ADAMTS18: variants seen among roughly 807,000 people sequenced by gnomAD.
The protein encoded by ADAMTS18 is ADAM metallopeptidase with thrombospondin type 1 motif 18, also known as A disintegrin and metalloproteinase with thrombospondin motifs 18.
ADAMTS18 carries 157 observed loss-of-function variants against 165.9 expected under a neutral mutation model. The ratio of observed to expected loss-of-function variants is 0.95; its 90% CI spans 0.83 to 1.08. The LOEUF is 1.08. Ranked by LOEUF, ADAMTS18 falls within the 50% of genes least tolerant of loss-of-function variation. ADAMTS18 has a pLI of 0.00. For missense variants in ADAMTS18, 2,040 were observed against 1,534.0 expected (o/e 1.33, Z -5.51); for synonymous variants, 782 against 578.2 (o/e 1.35, Z -5.06).
At chr16:77,297,496 C>T in intron 17 of ADAMTS18, 81 bp from the exon 18 acceptor site, 7 of 1,399,482 alleles carry the variant, frequency 5.0e-6, no homozygotes, top group Non-Finnish European at 7.1e-6. Flanking sequence ...TCTGATTTAC[C>T]AGCATTGTGA....
chr16:77,333,511 C>T (rs769758178), intron 12 of ADAMTS18, among the ~76,000 whole-genome samples: 116 of 140,006 alleles, frequency 8.3e-4, no homozygotes, highest in Non-Finnish European at 1.4e-3. Context: ...AAAAATAAAA[C>T]AGTGTGTTCT....
At chr16:77,395,831 A>G (rs1170584387) in intron 3 of ADAMTS18, among the ~76,000 whole-genome samples, 17 of 152,162 alleles carry the variant, frequency 1.1e-4, no homozygotes. Context: ...GCCTTTTGGT[A>G]TTTTTAGGTC....
At chr16:77,428,783 T>C (rs1004968311) in intron 3 of ADAMTS18, among the ~76,000 whole-genome samples, 11 of 152,288 alleles carry the variant, frequency 7.2e-5, no homozygotes, top group African/African-American at 2.6e-4. Flanking sequence ...AACCAGAATA[T>C]ATTCTGCAAA....
At chr16:77,339,670 T>G (rs6564432) in intron 11 of ADAMTS18, among the ~76,000 whole-genome samples, 62,690 of 151,406 alleles carry the variant, frequency 0.41, 13,560 homozygotes, top group East Asian at 0.61. Flanking sequence ...TAAAAAGGAC[T>G]TGAGCACTAT....
rs1016148271 is a variant in ADAMTS18 at position 77,421,906 on chromosome 16, T to C, written c.495+9389A>G. Among the ~76,000 whole-genome samples the C allele has an allele frequency of 6.6e-5, 10 of 152,164 alleles. No individual in the cohort carries two copies. In the East Asian group the frequency reaches 1.3e-3, roughly 20 times the overall value. On this transcript the variant is annotated intron_variant, in intron 3 of 22. Transcript: ENST00000282849. Reference sequence around the variant, plus strand: ...ATATGCAGTAATTAAAAGAATAAGATAGATCTATACAAAAAATAGATCTAT... The same window carrying C: ...ATATGCAGTAATTAAAAGAATAAGACAGATCTATACAAAAAATAGATCTAT...
intron 3 of ADAMTS18, among the ~76,000 whole-genome samples, chr16:77,408,567 T>C (rs150222078): frequency 6.6e-6 from 1 of 152,146 alleles, no homozygotes; most frequent in Non-Finnish European, 1.5e-5. Flanking sequence ...ATTATGAACA[T>C]ACTGTTGAGC....
chr16:77,396,674 A>G (rs2057261304), intron 3 of ADAMTS18, among the ~76,000 whole-genome samples: 1 of 152,224 alleles, frequency 6.6e-6, no homozygotes, highest in Admixed American at 6.5e-5. Context: ...GAAGGCATGT[A>G]AGATATGGAG....
In ADAMTS18 at chr16:77,434,409, A is replaced by T. The variant is rs1251618809; in HGVS notation, c.178+9T>A. 6.4e-7 allele frequency: 1 copy of T among 1,566,500 alleles called. No individual in the cohort carries two copies. The highest frequency in any genetic ancestry group is 8.6e-7 in the Non-Finnish European group (1 of 1,162,384). On this transcript the variant is annotated intron_variant, in intron 2 of 22. Transcript: ENST00000282849. ...AGGCCCTTCTTGGGGATGGGGGGCA[A>T]ATACGAACCATCATTTAATCCGCTG... is the stretch of plus-strand genomic sequence containing the variant.
chr16:77,344,811 G>A (rs1002817829), intron 10 of ADAMTS18, among the ~76,000 whole-genome samples: 5 of 151,920 alleles, frequency 3.3e-5, no homozygotes, highest in African/African-American at 7.3e-5. Context: ...TTTCTTCTGC[G>A]GTGGAGTACA....
intron 12 of ADAMTS18, 26 bp from the exon 13 acceptor site, chr16:77,326,064 A>G (rs1482356231): frequency 8.7e-6 from 14 of 1,607,122 alleles, no homozygotes; most frequent in Non-Finnish European, 1.2e-5. Flanking sequence ...ATGAACTTTA[A>G]TGTTAGTAAT....
chr16:77,288,317 A>G (rs147859174), intron 22 of ADAMTS18, among the ~76,000 whole-genome samples: 2 of 152,230 alleles, frequency 1.3e-5, no homozygotes, highest in Non-Finnish European at 2.9e-5. Context: ...CTGGAAGAAC[A>G]TGACCGCTTG....
chr16:77,415,427 T>C (rs1245628037), intron 3 of ADAMTS18, among the ~76,000 whole-genome samples: 1 of 152,220 alleles, frequency 6.6e-6, no homozygotes, highest in African/African-American at 2.4e-5. Context: ...ATATCACCAC[T>C]ATGATGACCC....
chr16:77,284,022 C>T lies in ADAMTS18; in HGVS notation c.3600G>A (p.Gln1200=). The change falls in exon 23 of 23, where the codon CAG becomes CAA. Residue 1200 remains glutamine, a synonymous_variant. Transcript: ENST00000282849. The part of the protein sequence containing the change: ...DFFNWCHLVP[Q]HGVCNHKFYG... ...AAAACTTGTGGTTGCAGACACCATG[C>T]TGAGGAACTAGGTGACACCAGTTGA... is the stretch of plus-strand genomic sequence containing the variant. 6.2e-7 allele frequency: 1 copy of T among 1,613,964 alleles called. No homozygotes were observed. Among genetic ancestry groups the T allele is most frequent in the Admixed American group, 1.7e-5 (1 of 60,002 alleles).
intron 3 of ADAMTS18, among the ~76,000 whole-genome samples, chr16:77,370,567 T>G (rs543904833): frequency 1.3e-5 from 2 of 152,214 alleles, no homozygotes; most frequent in East Asian, 3.9e-4. Flanking sequence ...CTGGCCAACA[T>G]GGTGAAACCA....
intron 4 of ADAMTS18, among the ~76,000 whole-genome samples, chr16:77,366,943 G>C (rs1050970301): frequency 2.0e-5 from 3 of 151,872 alleles, no homozygotes; most frequent in Admixed American, 2.0e-4. Context: ...TGTATTTAAG[G>C]CTCGTGTTAC....
intron 17 of ADAMTS18, among the ~76,000 whole-genome samples, chr16:77,298,674 C>G (rs954118042): frequency 6.6e-6 from 1 of 152,162 alleles, no homozygotes; most frequent in Non-Finnish European, 1.5e-5. Flanking sequence ...CACCTGCAGT[C>G]CAAGCTACTT....
At chr16:77,340,822 C>T (rs766167494) in intron 11 of ADAMTS18, among the ~76,000 whole-genome samples, 2 of 152,178 alleles carry the variant, frequency 1.3e-5, no homozygotes, top group Non-Finnish European at 2.9e-5. Flanking sequence ...CCCTGCTCAG[C>T]CTCCCAAAGT....
At chr16:77,363,552 G>A (rs2434897) in intron 6 of ADAMTS18, among the ~76,000 whole-genome samples, 124,282 of 150,196 alleles carry the variant, frequency 0.83, 51,708 homozygotes, top group East Asian at 0.91. Flanking sequence ...ATATTATTTA[G>A]TACTTATGTA....
rs2055195680 is a variant in ADAMTS18 at position 77,283,860 on chromosome 16, T to G, written c.*96A>C. The G allele has an allele frequency of 2.1e-6, 2 of 956,426 alleles. No homozygotes were observed. Among genetic ancestry groups the G allele is most frequent in the Non-Finnish European group, 3.4e-6 (2 of 592,068 alleles). The allele number at this position is 956,426 out of a possible 1,614,324, so 59.2% of individuals were successfully genotyped here. On this transcript the variant is annotated 3_prime_UTR_variant, in exon 23 of 23. Coordinates refer to ENST00000282849, the MANE Select transcript of ADAMTS18 (RefSeq NM_199355.4). ...CATCACAGCGGCAGCTCACAGATGGTTCTCGGTGCTCAGCTCCTGGTCTCA... is the reference window on the plus strand; with the variant it reads ...CATCACAGCGGCAGCTCACAGATGGGTCTCGGTGCTCAGCTCCTGGTCTCA...
Sources: allele counts gnomAD v4.1 joint callset (sites outside exome capture counted in the v4.1 genomes callset), GRCh38; gene constraint gnomAD v4.1.1; transcripts MANE v1.5; gene names NCBI Gene and HGNC (gene_info 2026-07-23, HGNC 2026-07-21).